Variants in CTNNB1 observed in about 807,000 individuals in gnomAD.
CTNNB1 encodes catenin beta 1.
A neutral mutation model predicts 82.5 loss-of-function variants in CTNNB1; 6 were observed. The ratio of observed to expected loss-of-function variants is 0.07; its 90% CI spans 0.04 to 0.14. The LOEUF (loss-of-function observed/expected upper bound fraction) is 0.14. Among genes scored for constraint, CTNNB1 ranks in the 10% least tolerant of loss-of-function variants. The pLI, the probability that CTNNB1 is intolerant of heterozygous loss-of-function variation, is 1.00. For synonymous variants in CTNNB1, 312 were observed against 329.7 expected (o/e 0.95, Z 0.58); for missense variants, 529 against 980.4 (o/e 0.54, Z 6.15).
chr3:41,227,202 T>C lies in CTNNB1; in HGVS notation c.937-6T>C. 2.5e-6 allele frequency: 4 copies of C among 1,605,654 alleles called. No homozygotes were observed. Among genetic ancestry groups the C allele is most frequent in the Non-Finnish European group, 2.6e-6 (3 of 1,172,542 alleles). On this transcript the variant is annotated splice_region_variant and splice_polypyrimidine_tract_variant and intron_variant, in intron 6 of 14. Coordinates refer to ENST00000349496, the MANE Select transcript of CTNNB1 (RefSeq NM_001904.4). ...ACTAACAAGATATATATATATATCT[T>C]TCTAGCTCATCATACTGGCTAGTGG...
At chr3:41,236,526 A>G in intron 12 of CTNNB1, 27 bp downstream of exon 12, 1 of 1,614,234 alleles carries the variant, frequency 6.2e-7, no homozygotes, top group Non-Finnish European at 8.5e-7. Context: ...CAAAGCCTTT[A>G]GCAGATGTGT....
In CTNNB1 at chr3:41,205,049, ACTTT is replaced by A. The variant is rs200963414; in HGVS notation, c.-49+5383_-49+5386del. On this transcript the variant is annotated intron_variant, in intron 1 of 14. Transcript: ENST00000349496. ...GGTTCAAGGAAAAGGGGGAGAAGTA[ACTTT>A]CTTATTACTCAACCATCTTAAATAG... Among the ~76,000 whole-genome samples the A allele has an allele frequency of 5.4e-3, 819 of 152,322 alleles. 1 individual carries two copies. The highest frequency in any genetic ancestry group is 0.019 in the African/African-American group (779 of 41,574).
intron 1 of CTNNB1, chr3:41,220,857 T>A (rs1313713407): frequency 6.6e-6 from 1 of 152,224 alleles, no homozygotes; most frequent in East Asian, 1.9e-4. Context: ...CTAAGGTAAT[T>A]AAGATAATTC....
chr3:41,202,760 G>A (rs1239371926), intron 1 of CTNNB1, among the ~76,000 whole-genome samples: 1 of 152,162 alleles, frequency 6.6e-6, no homozygotes, highest in Admixed American at 6.5e-5. Flanking sequence ...AATATGATTT[G>A]TGTTGATCTA....
At chr3:41,236,892 G>C in intron 13 of CTNNB1, 183 bp downstream of exon 13, 1 of 701,494 alleles carries the variant, frequency 1.4e-6, no homozygotes, top group Admixed American at 2.5e-5. Flanking sequence ...GCTTTAAAGA[G>C]TCTGTTCAGA....
chr3:41,202,377 T>TTC (rs1246512708), intron 1 of CTNNB1, among the ~76,000 whole-genome samples: 2 of 152,226 alleles, frequency 1.3e-5, no homozygotes, highest in Non-Finnish European at 2.9e-5. Context: ...CTGGACAAAC[T>TTC]TCTAACAAAA....
At chr3:41,204,631 C>T (rs1325305002) in intron 1 of CTNNB1, among the ~76,000 whole-genome samples, 3 of 152,214 alleles carry the variant, frequency 2.0e-5, no homozygotes, top group Non-Finnish European at 2.9e-5. Context: ...GTTGCCAGAT[C>T]ATCTGATTTC....
At chr3:41,238,476 G>T in intron 14 of CTNNB1, 1 of 202,312 alleles carries the variant, frequency 4.9e-6, no homozygotes, top group Admixed American at 5.3e-5. Flanking sequence ...ATTATCATCA[G>T]GGTTTTCTTG....
intron 1 of CTNNB1, among the ~76,000 whole-genome samples, chr3:41,206,431 A>G (rs1275874144): frequency 6.6e-6 from 1 of 152,180 alleles, no homozygotes; most frequent in Non-Finnish European, 1.5e-5. Context: ...GTGCATATAT[A>G]TAGCATACCT....
intron 1 of CTNNB1, among the ~76,000 whole-genome samples, chr3:41,219,852 C>T (rs1437634792): frequency 6.6e-6 from 1 of 152,118 alleles, no homozygotes; most frequent in African/African-American, 2.4e-5. Context: ...TTTATTGCAG[C>T]ATTGTTGGAA....
At chr3:41,235,350 A>C (rs1455681485) in intron 10 of CTNNB1, 1 of 255,622 alleles carries the variant, frequency 3.9e-6, no homozygotes, top group Non-Finnish European at 7.7e-6. Flanking sequence ...CATGGAAGAT[A>C]TACAAAAATA....
chr3:41,215,717 A>G (rs2077901656), intron 1 of CTNNB1, among the ~76,000 whole-genome samples: 2 of 152,160 alleles, frequency 1.3e-5, no homozygotes, highest in Non-Finnish European at 2.9e-5. Context: ...ATTATGGGAT[A>G]TAATTTGGAA....
rs2078307781 is a variant in CTNNB1, at chr3:41,231,484, GTT to G, written c.1082-1856_1082-1855del. On this transcript the variant is annotated intron_variant, in intron 7 of 14. Coordinates refer to ENST00000349496, the MANE Select transcript of CTNNB1 (RefSeq NM_001904.4). The stretch of plus-strand genomic sequence containing the variant: ...GGACTTTCTAGGTTCCTATAAGATA[GTT>G]ACTACTCATGGAGTTTATTCATGCT... Among the ~76,000 whole-genome samples, 5 of 152,164 alleles carry G rather than the reference GTT, an allele frequency of 3.3e-5. No individual in the cohort carries two copies. The South Asian group carries it at 1.0e-3, about 31-fold the overall frequency.
chr3:41,222,387 T>G (rs1007689525), intron 1 of CTNNB1: 2 of 152,214 alleles, frequency 1.3e-5, no homozygotes, highest in African/African-American at 4.8e-5. Flanking sequence ...TCCCCATTTC[T>G]ACCCTTTGTT....
At chr3:41,200,986 T>C (rs900790105) in intron 1 of CTNNB1, among the ~76,000 whole-genome samples, 4 of 152,180 alleles carry the variant, frequency 2.6e-5, no homozygotes, top group Non-Finnish European at 5.9e-5. Context: ...AATGAGAGCT[T>C]TGTATCATGA....
chr3:41,215,136 G>C (rs2077884587), intron 1 of CTNNB1, among the ~76,000 whole-genome samples: 1 of 149,364 alleles, frequency 6.7e-6, no homozygotes. Context: ...CCAGCACTTT[G>C]GGAGGCCGAG....
chr3:41,203,072 T>G (rs932539399), intron 1 of CTNNB1, among the ~76,000 whole-genome samples: 16 of 150,990 alleles, frequency 1.1e-4, no homozygotes, highest in Non-Finnish European at 1.6e-4. Flanking sequence ...TGGGCATCTC[T>G]TCTGTTAAGA....
chr3:41,233,174 G>C, intron 7 of CTNNB1, 167 bp from the exon 8 acceptor site: 1 of 691,586 alleles, frequency 1.4e-6, no homozygotes, highest in Non-Finnish European at 2.5e-6. Flanking sequence ...GCAAAGTGAA[G>C]GAAACTGAGC....
intron 13 of CTNNB1, chr3:41,237,466 A>G (rs2125649281): frequency 6.6e-6 from 1 of 152,504 alleles, no homozygotes; most frequent in African/African-American, 2.4e-5. Flanking sequence ...AAAAAAAAAA[A>G]AGCAAATTAC....
Sources: allele counts gnomAD v4.1 joint callset (sites outside exome capture counted in the v4.1 genomes callset), GRCh38; gene constraint gnomAD v4.1.1; transcripts MANE v1.5; gene names NCBI Gene and HGNC (gene_info 2026-07-23, HGNC 2026-07-21).